Variants in SLC4A10 observed in about 807,000 individuals in gnomAD.
SLC4A10 encodes the protein sodium-driven chloride bicarbonate exchanger.
A neutral mutation model predicts 137.7 loss-of-function variants in SLC4A10; 42 were observed. The observed-to-expected ratio is 0.30, with a 90% confidence interval of 0.24 to 0.39. The LOEUF is 0.39. Among genes scored for constraint, SLC4A10 ranks in the 10% least tolerant of loss-of-function variants. The probability of loss-of-function intolerance (pLI) is 1.00; values close to 1 mark genes in which losing one functional copy is unlikely to be tolerated. For missense variants in SLC4A10, 925 were observed against 1,355.0 expected, an observed-to-expected ratio of 0.68 and a Z score of 4.98; for synonymous variants, 474 against 464.1, an observed-to-expected ratio of 1.02 and a Z score of -0.27.
At chr2:161,780,233 TAAAAG>T (rs1213762394) in intron 2 of SLC4A10, among the ~76,000 whole-genome samples, 1 of 152,054 alleles carries the variant, frequency 6.6e-6, no homozygotes, top group Non-Finnish European at 1.5e-5. Context: ...ATAGCTATGC[TAAAAG>T]AATAGAATAT....
chr2:161,894,247 A>G (rs1282377939), intron 10 of SLC4A10, among the ~76,000 whole-genome samples: 2 of 152,100 alleles, frequency 1.3e-5, no homozygotes, highest in Non-Finnish European at 2.9e-5. Context: ...TTCAAAATGG[A>G]AACAAAATTA....
At chr2:161,761,631 T>A (rs1247454790) in intron 1 of SLC4A10, among the ~76,000 whole-genome samples, 4 of 152,096 alleles carry the variant, frequency 2.6e-5, no homozygotes, top group African/African-American at 9.7e-5. Context: ...TTTTGACTAA[T>A]TAAAACTTTT....
chr2:161,683,380 C>T (rs966181712), intron 1 of SLC4A10, among the ~76,000 whole-genome samples: 14 of 152,092 alleles, frequency 9.2e-5, no homozygotes, highest in Admixed American at 7.2e-4. Flanking sequence ...ACTGAAACTT[C>T]CTTTAGAAAT....
chr2:161,679,319 G>A (rs910078556), intron 1 of SLC4A10, among the ~76,000 whole-genome samples: 1 of 152,008 alleles, frequency 6.6e-6, no homozygotes, highest in African/African-American at 2.4e-5. Context: ...TTTGCTTAAG[G>A]AGCACAAAAT....
At chr2:161,762,327 T>C (rs1400022739) in intron 1 of SLC4A10, among the ~76,000 whole-genome samples, 1 of 152,104 alleles carries the variant, frequency 6.6e-6, no homozygotes, top group African/African-American at 2.4e-5. Context: ...ATATATGTGG[T>C]GAAATTAAAA....
At chr2:161,943,585 A>G (rs1432070585) in intron 16 of SLC4A10, among the ~76,000 whole-genome samples, 1 of 151,896 alleles carries the variant, frequency 6.6e-6, no homozygotes, top group Non-Finnish European at 1.5e-5. Context: ...CAATACTTGC[A>G]TTCTATGCTT....
rs560392230 is a variant in SLC4A10, at chr2:161,790,824, C to T, written c.131-13625C>T. Among the ~76,000 whole-genome samples, 3 of 152,184 alleles carry T rather than the reference C, an allele frequency of 2.0e-5. No homozygotes were observed. In the South Asian group the frequency reaches 6.2e-4, roughly 32 times the overall value. On this transcript the variant is annotated intron_variant, in intron 2 of 26. Transcript: ENST00000446997. ...TGTGGGCAAAAGACACGAACAGACA[C>T]TTCTCAAAAGAAGACATACATGCGG...
intron 15 of SLC4A10, among the ~76,000 whole-genome samples, chr2:161,927,502 A>G (rs1444318544): frequency 1.3e-5 from 2 of 152,208 alleles, no homozygotes; most frequent in East Asian, 1.9e-4. Flanking sequence ...AATGGCAACA[A>G]AAGCCAAAAT....
chr2:161,814,983 C>T (rs558888991), intron 3 of SLC4A10, among the ~76,000 whole-genome samples: 7 of 152,004 alleles, frequency 4.6e-5, no homozygotes, highest in Admixed American at 2.6e-4. Context: ...GTACTGCTAG[C>T]TTTTAAAAGT....
intron 1 of SLC4A10, among the ~76,000 whole-genome samples, chr2:161,685,490 C>A (rs1316885225): frequency 6.6e-6 from 1 of 152,090 alleles, no homozygotes; most frequent in Non-Finnish European, 1.5e-5. Context: ...CACCTGTGGT[C>A]CCAGCTACTT....
intron 1 of SLC4A10, among the ~76,000 whole-genome samples, chr2:161,764,993 T>A (rs75919140): frequency 0.019 from 2,840 of 152,254 alleles, 58 homozygotes; most frequent in African/African-American, 0.054. Flanking sequence ...TTCTGTCGGA[T>A]TAGTTACTGT....
chr2:161,769,031 A>T (rs906486645), intron 1 of SLC4A10, among the ~76,000 whole-genome samples: 6 of 151,838 alleles, frequency 4.0e-5, no homozygotes, highest in Admixed American at 2.0e-4. Flanking sequence ...CTACTCTAAC[A>T]TTTCAGTTTT....
intron 3 of SLC4A10, among the ~76,000 whole-genome samples, chr2:161,815,284 G>C (rs2056936653): frequency 6.6e-6 from 1 of 152,042 alleles, no homozygotes; most frequent in South Asian, 2.1e-4. Context: ...TGGATTTTGG[G>C]GGCGGTTTCC....
chr2:161,630,714 G>A (rs187571913), intron 1 of SLC4A10, among the ~76,000 whole-genome samples: 90 of 151,800 alleles, frequency 5.9e-4, no homozygotes, highest in African/African-American at 1.8e-3. Context: ...TAGGCAGTTT[G>A]TAAAGTAATA....
chr2:161,661,016 A>G (rs1303478613), intron 1 of SLC4A10, among the ~76,000 whole-genome samples: 2 of 152,068 alleles, frequency 1.3e-5, no homozygotes, highest in African/African-American at 4.8e-5. Context: ...TATATGAATA[A>G]GATTTCAGGA....
chr2:161,760,705 A>G (rs1252974891), intron 1 of SLC4A10, among the ~76,000 whole-genome samples: 2 of 152,090 alleles, frequency 1.3e-5, no homozygotes, highest in Non-Finnish European at 2.9e-5. Flanking sequence ...ATCTGAAAAA[A>G]CTAACAATCT....
intron 1 of SLC4A10, among the ~76,000 whole-genome samples, chr2:161,760,650 A>C (rs1184468971): frequency 6.6e-6 from 1 of 152,074 alleles, no homozygotes. Context: ...TTATCTTTTA[A>C]AAATCAGCTC....
At chr2:161,653,179 C>T (rs2037046977) in intron 1 of SLC4A10, among the ~76,000 whole-genome samples, 1 of 152,144 alleles carries the variant, frequency 6.6e-6, no homozygotes, top group Admixed American at 6.5e-5. Flanking sequence ...AGGACATGAA[C>T]TCATCCTTTT....
chr2:161,776,821 A>G (rs1437116649), intron 2 of SLC4A10, among the ~76,000 whole-genome samples: 1 of 151,158 alleles, frequency 6.6e-6, no homozygotes, highest in Admixed American at 6.6e-5. Context: ...AAAATGCGCA[A>G]GGGGTCTCCA....
Sources: gnomAD v4.1 joint callset for allele counts (sites outside exome capture counted in the v4.1 genomes callset) on GRCh38, gnomAD v4.1.1 for gene constraint, MANE v1.5 for transcripts, NCBI Gene and HGNC (gene_info 2026-07-23, HGNC 2026-07-21) for gene names.